The following ITGA6 variants were observed in gnomAD, a reference collection of about 807,000 sequenced individuals.
ITGA6 encodes the protein integrin alpha-6.
A neutral mutation model predicts 133.6 loss-of-function variants in ITGA6; 63 were observed. The observed-to-expected ratio is 0.47, with a 90% CI of 0.38 to 0.58. The LOEUF (loss-of-function observed/expected upper bound fraction) is 0.58, where lower values mean the gene tolerates loss of function less well. ITGA6 is among the 20% of genes least tolerant of loss of function. The pLI is 0.00. For synonymous variants in ITGA6, 434 were observed against 482.0 expected (o/e 0.90, Z 1.30); for missense variants, 1,068 against 1,309.4 (o/e 0.82, Z 2.85).
chr2:172,457,026 G>T (rs987556387), intron 1 of ITGA6, among the ~76,000 whole-genome samples: 4 of 152,114 alleles, frequency 2.6e-5, no homozygotes, highest in African/African-American at 9.7e-5. Context: ...CACTGTGGTG[G>T]CTCACACCTA....
intron 1 of ITGA6, among the ~76,000 whole-genome samples, chr2:172,458,907 T>A (rs1055895374): frequency 6.6e-6 from 1 of 151,786 alleles, no homozygotes; most frequent in African/African-American, 2.4e-5. Flanking sequence ...AACAAAGAGC[T>A]CTTGAAGACT....
rs544906423 is a variant in ITGA6 at position 172,480,652 on chromosome 2, G to A, written c.1549+601G>A. ...ACAGGGCAAGTCCCTTAACATATGA[G>A]TTTGCTTTCCTGTCCGTTCAGAACA... On this transcript the variant is annotated intron_variant, in intron 11 of 25. Transcript: ENST00000684293. Among the ~76,000 whole-genome samples the A allele has an allele frequency of 3.3e-5, 5 of 152,260 alleles. No homozygotes were observed. In the East Asian group the frequency reaches 9.6e-4, roughly 29 times the overall value.
chr2:172,485,226 A>G lies in ITGA6; in HGVS notation c.1816A>G (p.Ile606Val), dbSNP rs780219832. 4 of 1,614,072 alleles carry G rather than the reference A, an allele frequency of 2.5e-6. No homozygotes were observed. In the Admixed American group the frequency reaches 6.7e-5, roughly 27 times the overall value. The change falls in exon 13 of 26, where the codon ATT becomes GTT. Residue 606 changes from isoleucine (I) to valine (V), a missense_variant. Ile to Val is a conservative substitution (Grantham distance 29). Transcript: ENST00000684293. ...GAATTCACTTCCAGAAGTTCTTCCA[A>G]TTCTGAATTCAGATGAACCCAAGAC... The part of the protein sequence containing the change: ...RVNSLPEVLP[I>V]LNSDEPKTAH...
chr2:172,485,191 G>T lies in ITGA6; in HGVS notation c.1781G>T (p.Arg594Leu). ...GTGGAGATCCAAGAGCCAAGCTCTC[G>T]TAGGCGAGTGAATTCACTTCCAGAA... The part of the protein sequence containing the change: ...ASVEIQEPSS[R>L]RRVNSLPEVL... Residue 594 changes from arginine to leucine, a missense_variant, in exon 13 of 26, where the codon CGT becomes CTT. Coordinates refer to ENST00000684293, the MANE Select transcript of ITGA6 (RefSeq NM_000210.4). 6.2e-7 allele frequency: 1 copy of T among 1,613,894 alleles called. No individual in the cohort carries two copies. Among genetic ancestry groups the T allele is most frequent in the Non-Finnish European group, 8.5e-7 (1 of 1,179,776 alleles).
chr2:172,467,257 A>C (rs759398479), intron 2 of ITGA6, among the ~76,000 whole-genome samples: 1 of 152,234 alleles, frequency 6.6e-6, no homozygotes, highest in Non-Finnish European at 1.5e-5. Flanking sequence ...ATAGGCAACT[A>C]TATAGAGCTA....
chr2:172,501,319 A>G (rs1008810950), intron 24 of ITGA6, among the ~76,000 whole-genome samples: 7 of 152,230 alleles, frequency 4.6e-5, no homozygotes, highest in Non-Finnish European at 1.0e-4. Flanking sequence ...GCAGAAAAAT[A>G]CCCATAGTAT....
At chr2:172,459,473 C>T (rs1384656825) in intron 1 of ITGA6, among the ~76,000 whole-genome samples, 2 of 152,156 alleles carry the variant, frequency 1.3e-5, no homozygotes, top group African/African-American at 4.8e-5. Flanking sequence ...CACTGCACTC[C>T]AGCCTGGGCA....
In ITGA6 at chr2:172,471,099, T is replaced by A. The variant is rs1200449898; in HGVS notation, c.769T>A (p.Tyr257Asn). 4 of 1,614,102 alleles carry A rather than the reference T, an allele frequency of 2.5e-6. No individual in the cohort carries two copies. The African/African-American group carries it at 5.3e-5, about 22-fold the overall frequency. ...TCTCGTTCCTGTTCCTGCTAACAGT[T>A]ACTTAGGTAGGAGCAGGCACAGATG... is the stretch of plus-strand genomic sequence containing the variant. ...ESLVPVPANS[Y>N]LGFSLDSGKG... The change falls in exon 5 of 26, where the codon TAC (tyrosine) becomes AAC (asparagine). Residue 257 changes from tyrosine (Y) to asparagine (N), a missense_variant. Physicochemically the swap from Tyr to Asn is moderately radical, Grantham distance 143. Transcript: ENST00000684293.
intron 12 of ITGA6, 70 bp downstream of exon 12, chr2:172,485,012 T>C: frequency 1.9e-6 from 3 of 1,598,368 alleles, no homozygotes; most frequent in Non-Finnish European, 2.6e-6. Flanking sequence ...GATATACAGA[T>C]TTCTGAAATT....
intron 19 of ITGA6, 104 bp downstream of exon 19, chr2:172,488,332 G>T: frequency 1.2e-6 from 1 of 816,394 alleles, no homozygotes; most frequent in South Asian, 1.4e-5. Flanking sequence ...AATAAGCATT[G>T]TAAGTAAATC....
chr2:172,504,339 TC>T lies in ITGA6; in HGVS notation c.*274del. On this transcript the variant is annotated 3_prime_UTR_variant, in exon 26 of 26. Coordinates refer to ENST00000684293, the MANE Select transcript of ITGA6 (RefSeq NM_000210.4). ...AATTTGGATTTAAAAGCCTGCTCAA[TC>T]CCTGAGGACTGATTTCAGAGTGACT... is the stretch of plus-strand genomic sequence containing the variant. 1 of 1,010,396 alleles carries T rather than the reference TC, an allele frequency of 9.9e-7. No individual in the cohort carries two copies. The highest frequency in any genetic ancestry group is 2.4e-4 in the Middle Eastern group (1 of 4,214). The allele number at this position is 1,010,396 out of a possible 1,614,324, so 62.6% of individuals were successfully genotyped here. A position where few individuals can be genotyped will look rare whatever the true frequency, so the allele number is the denominator to read the frequency against.
chr2:172,471,391 T>C (rs1336087119), intron 5 of ITGA6, among the ~76,000 whole-genome samples: 1 of 152,222 alleles, frequency 6.6e-6, no homozygotes, highest in Non-Finnish European at 1.5e-5. Flanking sequence ...CTTGAGCTAA[T>C]GGCAGCCTCC....
At chr2:172,476,364 A>C (rs767343742) in intron 8 of ITGA6, 31 bp from the exon 9 acceptor site, 1 of 1,115,888 alleles carries the variant, frequency 9.0e-7, no homozygotes, top group South Asian at 1.2e-5. Context: ...GTGATAACCT[A>C]ATGTCCATTC....
At chr2:172,434,133 C>A (rs1684220524) in intron 1 of ITGA6, among the ~76,000 whole-genome samples, 1 of 152,106 alleles carries the variant, frequency 6.6e-6, no homozygotes, top group African/African-American at 2.4e-5. Context: ...CTAATGTTTG[C>A]TAGGAAGGAG....
At chr2:172,467,997 C>T (rs7584977) in intron 3 of ITGA6, among the ~76,000 whole-genome samples, 44,921 of 151,802 alleles carry the variant, frequency 0.3, 9,241 homozygotes, top group East Asian at 0.79. Context: ...AGCCTTATTT[C>T]TCCTGTGATT....
chr2:172,482,859 T>C (rs1026858631), intron 11 of ITGA6, among the ~76,000 whole-genome samples: 82 of 145,028 alleles, frequency 5.7e-4, no homozygotes, highest in African/African-American at 2.2e-3. Flanking sequence ...CATAAGAATG[T>C]CACATCGTGT....
chr2:172,455,468 C>A (rs778840287), intron 1 of ITGA6, among the ~76,000 whole-genome samples: 1 of 152,176 alleles, frequency 6.6e-6, no homozygotes, highest in Non-Finnish European at 1.5e-5. Context: ...CTCAGCCCTG[C>A]CCCATGGAGA....
At position 172,491,031 on chromosome 2, in the gene ITGA6, A is replaced by T; in HGVS notation, c.2687A>T (p.His896Leu). 1 of 1,547,398 alleles carries T rather than the reference A, an allele frequency of 6.5e-7. No homozygotes were observed. The highest frequency in any genetic ancestry group is 8.9e-7 in the Non-Finnish European group (1 of 1,120,384). ...GGATATAATTTTTTTCAGGAGTCTC[A>T]CAACTCAAGAAAGAAACGGGAAATT... ...EINSLNLTES[H>L]NSRKKREITE... Residue 896 changes from histidine (H) to leucine (L), a missense_variant, in exon 21 of 26, where the codon CAC becomes CTC. His to Leu is a moderately conservative substitution (Grantham distance 99, BLOSUM62 -3). Coordinates refer to ENST00000684293, the MANE Select transcript of ITGA6 (RefSeq NM_000210.4). This position sits in a 1 kb window ranked among gnomAD's most constrained non-coding sequence, Gnocchi z 4.4.
At chr2:172,488,949 T>C (rs768332372) in intron 19 of ITGA6, among the ~76,000 whole-genome samples, 1 of 152,216 alleles carries the variant, frequency 6.6e-6, no homozygotes, top group Non-Finnish European at 1.5e-5. Flanking sequence ...AAGAGGGCTC[T>C]TACCTCCTGT....
Sources: allele counts gnomAD v4.1 joint callset (sites outside exome capture counted in the v4.1 genomes callset), GRCh38; gene constraint gnomAD v4.1.1; non-coding constraint Gnocchi (gnomAD v3.1); transcripts MANE v1.5; gene names NCBI Gene and HGNC (gene_info 2026-07-23, HGNC 2026-07-21).